Variants in NEBL observed in about 807,000 individuals in gnomAD.
The protein encoded by NEBL is nebulette.
NEBL carries 122 observed loss-of-function variants against 140.2 expected under a neutral mutation model. The observed-to-expected ratio is 0.87, with a 90% CI of 0.75 to 1.01. The LOEUF (loss-of-function observed/expected upper bound fraction) is 1.01, where lower values mean the gene tolerates loss of function less well. Among genes scored for constraint, NEBL ranks in the 50% least tolerant of loss-of-function variants. The pLI is 0.00. For synonymous variants in NEBL, 436 were observed against 398.9 expected (o/e 1.09, Z -1.11); for missense variants, 1,365 against 1,231.3 (o/e 1.11, Z -1.62).
chr10:20,914,182 G>A (rs540553236), intron 4 of NEBL, among the ~76,000 whole-genome samples: 4 of 152,312 alleles, frequency 2.6e-5, no homozygotes, highest in East Asian at 1.9e-4. Context: ...TGAACTAAGA[G>A]ACATTTAGCT....
intron 2 of NEBL, among the ~76,000 whole-genome samples, chr10:21,091,990 G>A (rs975384523): frequency 3.9e-5 from 6 of 152,132 alleles, no homozygotes; most frequent in African/African-American, 1.2e-4. Flanking sequence ...TTTACCCATA[G>A]CTAATTTAAC....
intron 3 of NEBL, among the ~76,000 whole-genome samples, chr10:20,967,114 C>T (rs1836350020): frequency 6.6e-6 from 1 of 152,114 alleles, no homozygotes; most frequent in South Asian, 2.1e-4. Flanking sequence ...GATCATGCTT[C>T]TCTCCAAAGA....
At chr10:20,895,375 G>A (rs1847388961) in intron 2 of NEBL, among the ~76,000 whole-genome samples, 1 of 152,168 alleles carries the variant, frequency 6.6e-6, no homozygotes, top group Admixed American at 6.5e-5. Context: ...TACAGGGAGA[G>A]ATAACTTGGC....
At chr10:20,938,730 A>C (rs549965783) in intron 4 of NEBL, among the ~76,000 whole-genome samples, 8 of 152,304 alleles carry the variant, frequency 5.3e-5, no homozygotes, top group African/African-American at 1.9e-4. Flanking sequence ...AACCAATGCA[A>C]AGAAGTCCTC....
chr10:20,844,393 T>C (rs1338349171), intron 12 of NEBL, among the ~76,000 whole-genome samples: 2 of 150,544 alleles, frequency 1.3e-5, no homozygotes, highest in Admixed American at 6.7e-5. Flanking sequence ...GTATAAGATA[T>C]ATATACAAAT....
chr10:20,907,301 T>C (rs945082073), intron 4 of NEBL, among the ~76,000 whole-genome samples: 31 of 152,252 alleles, frequency 2.0e-4, no homozygotes, highest in African/African-American at 7.2e-4. Flanking sequence ...TTATTATAAA[T>C]AATGAATTAA....
intron 8 of NEBL, among the ~76,000 whole-genome samples, chr10:20,858,704 T>C (rs1486449460): frequency 6.6e-6 from 1 of 152,046 alleles, no homozygotes; most frequent in Non-Finnish European, 1.5e-5. Context: ...GATCTGAGGA[T>C]TTTGATGTTT....
In NEBL at chr10:20,954,551, C is replaced by T. The variant is rs79249696; in HGVS notation, c.357+7121G>A. 7.3e-3 allele frequency among the ~76,000 whole-genome samples: 1,109 copies of T among 152,212 alleles called. 12 individuals carry two copies. Among genetic ancestry groups the T allele is most frequent in the African/African-American group, 0.024 (1,009 of 41,524 alleles). On this transcript the variant is annotated intron_variant, in intron 4 of 6. Transcript: ENST00000417816. ...TCCCACGGCAATGAAAATTCAGGCTCGCAGACAATTTGAATGAGTAAGACA... is the reference window on the plus strand; with the variant it reads ...TCCCACGGCAATGAAAATTCAGGCTTGCAGACAATTTGAATGAGTAAGACA...
intron 4 of NEBL, among the ~76,000 whole-genome samples, chr10:20,959,176 T>C (rs544168579): frequency 2.0e-5 from 3 of 152,116 alleles, no homozygotes; most frequent in Non-Finnish European, 2.9e-5. Context: ...CAGGGAAACA[T>C]AAAGACAGCA....
intron 2 of NEBL, among the ~76,000 whole-genome samples, chr10:21,054,689 GA>G (rs1834931882): frequency 6.6e-6 from 1 of 152,092 alleles, no homozygotes; most frequent in South Asian, 2.1e-4. Flanking sequence ...TAAGAATTTT[GA>G]AAAACTTATG....
At chr10:21,237,227 TAG>T (rs1842366675) in intron 3 of NEBL, among the ~76,000 whole-genome samples, 1 of 152,166 alleles carries the variant, frequency 6.6e-6, no homozygotes, top group South Asian at 2.1e-4. Flanking sequence ...TTGTTTGAGA[TAG>T]AGTGTCACTC....
chr10:20,845,331 C>T lies in NEBL; in HGVS notation c.1154G>A (p.Gly385Glu), dbSNP rs1172785856. The T allele has an allele frequency of 6.2e-7, 1 of 1,603,950 alleles. No individual in the cohort carries two copies. The highest frequency in any genetic ancestry group is 8.5e-7 in the Non-Finnish European group (1 of 1,171,226). ...YKEDFEKEIKGRSSLDLDKTP... is the reference protein window; with the variant it reads ...YKEDFEKEIKERSSLDLDKTP... The stretch of plus-strand genomic sequence containing the variant: ...CTTGTCTAAATCCAGTGATGACCTT[C>T]CTTTAATCTCCTTCTCAAAATCCTC... The change falls in exon 12 of 28, where the codon GGA (glycine) becomes GAA (glutamate). Residue 385 changes from glycine to glutamate, a missense_variant. Around this residue, in one of 2 missense-constraint regions of NEBL, gnomAD observed 1,323 missense variants for 1,154.8 expected, o/e 1.15. Coordinates refer to ENST00000377122, the MANE Select transcript of NEBL (RefSeq NM_006393.3).
At chr10:21,230,598 G>A (rs1438416094) in intron 3 of NEBL, among the ~76,000 whole-genome samples, 1 of 150,314 alleles carries the variant, frequency 6.7e-6, no homozygotes, top group Non-Finnish European at 1.5e-5. Flanking sequence ...TCTGCAAACT[G>A]GAAACCTTTT....
At chr10:21,125,860 T>C (rs1589259733) in intron 2 of NEBL, 1 of 1,613,666 alleles carries the variant, frequency 6.2e-7, no homozygotes, top group Non-Finnish European at 8.5e-7. Flanking sequence ...CTTAGATACG[T>C]TGAACTTTTC....
At chr10:21,139,420 C>T (rs1041871908) in intron 2 of NEBL, among the ~76,000 whole-genome samples, 2 of 152,126 alleles carry the variant, frequency 1.3e-5, no homozygotes, top group East Asian at 1.9e-4. Flanking sequence ...GGATACCCTA[C>T]GTCCACTCAA....
At chr10:21,157,107 A>G (rs1355586389) in intron 2 of NEBL, among the ~76,000 whole-genome samples, 1 of 152,222 alleles carries the variant, frequency 6.6e-6, no homozygotes, top group Non-Finnish European at 1.5e-5. Context: ...AGAGAAGGTT[A>G]TTACTCCTTG....
At chr10:21,213,001 A>G (rs530737253) in intron 3 of NEBL, among the ~76,000 whole-genome samples, 4 of 152,206 alleles carry the variant, frequency 2.6e-5, no homozygotes, top group East Asian at 3.9e-4. Context: ...ATGTAACCAG[A>G]CCACCGTGAC....
intron 4 of NEBL, among the ~76,000 whole-genome samples, chr10:20,907,467 A>T (rs2131451482): frequency 6.6e-6 from 1 of 152,302 alleles, no homozygotes; most frequent in South Asian, 2.1e-4. Context: ...AATAATAAAC[A>T]TTCGATAATT....
chr10:20,949,341 A>AT (rs1285763927), intron 4 of NEBL, among the ~76,000 whole-genome samples: 2 of 152,178 alleles, frequency 1.3e-5, no homozygotes, highest in African/African-American at 4.8e-5. Context: ...CAAATACCTA[A>AT]TGCATGCGGG....
Sources: gnomAD v4.1 joint callset for allele counts (sites outside exome capture counted in the v4.1 genomes callset) on GRCh38, gnomAD v4.1.1 for gene constraint, gnomAD v4.1.1 regional missense constraint, MANE v1.5 for transcripts, NCBI Gene and HGNC (gene_info 2026-07-23, HGNC 2026-07-21) for gene names.